The following FAM135A variants were observed in gnomAD, a reference collection of about 807,000 sequenced individuals.
FAM135A encodes the protein family with sequence similarity 135 member A, also known as protein FAM135A.
A neutral mutation model predicts 146.8 loss-of-function variants in FAM135A; 79 were observed. The observed-to-expected ratio is 0.54, with a 90% CI of 0.45 to 0.65. The LOEUF is 0.65. FAM135A is among the 30% of genes least tolerant of loss of function. The probability of loss-of-function intolerance (pLI) is 0.00; values close to 1 mark genes in which losing one functional copy is unlikely to be tolerated. For missense variants in FAM135A, 1,623 were observed against 1,758.2 expected (o/e 0.92, Z 1.38); for synonymous variants, 562 against 603.6 (o/e 0.93, Z 1.01).
At chr6:70,507,353 C>T (rs547394431) in intron 12 of FAM135A, among the ~76,000 whole-genome samples, 8 of 151,998 alleles carry the variant, frequency 5.3e-5, no homozygotes, top group Non-Finnish European at 1.0e-4. Context: ...CAGTGCTAAG[C>T]CTACAGGAAC....
chr6:70,531,071 C>T (rs1795715237), intron 16 of FAM135A, among the ~76,000 whole-genome samples: 1 of 152,206 alleles, frequency 6.6e-6, no homozygotes, highest in African/African-American at 2.4e-5. Flanking sequence ...TTGCCCTCTT[C>T]ATGAGAATAA....
intron 10 of FAM135A, among the ~76,000 whole-genome samples, chr6:70,488,422 G>C (rs1303252817): frequency 1.3e-5 from 2 of 151,810 alleles, no homozygotes; most frequent in East Asian, 3.9e-4. Flanking sequence ...AATATGGAAG[G>C]ATATGCTCTA....
chr6:70,420,785 A>T (rs1280115650), intron 2 of FAM135A, among the ~76,000 whole-genome samples: 2 of 152,204 alleles, frequency 1.3e-5, no homozygotes, highest in Non-Finnish European at 2.9e-5. Flanking sequence ...TAAATATTTT[A>T]AAAACATATT....
intron 3 of FAM135A, among the ~76,000 whole-genome samples, chr6:70,427,400 C>T (rs1317544184): frequency 2.6e-5 from 4 of 152,060 alleles, no homozygotes; most frequent in East Asian, 3.9e-4. Flanking sequence ...AGCATGACGG[C>T]GCATGCCTAT....
chr6:70,461,704 A>G (rs573842581), intron 5 of FAM135A, among the ~76,000 whole-genome samples: 2 of 152,316 alleles, frequency 1.3e-5, no homozygotes, highest in East Asian at 3.9e-4. Flanking sequence ...ATAATACCTC[A>G]TGGAAATCTA....
chr6:70,532,854 C>G (rs1796085357), intron 16 of FAM135A, among the ~76,000 whole-genome samples: 2 of 152,080 alleles, frequency 1.3e-5, no homozygotes, highest in Admixed American at 1.3e-4. Flanking sequence ...ATCGCTCGAA[C>G]CCAGGAGGCG....
In FAM135A at chr6:70,553,157, C is replaced by G. The variant is rs574117150; in HGVS notation, c.4229-3593C>G. ...ACCAGTGAACCAACCATGTTGCTCC[C>G]CCCAGCAGAGGAGACCAGCCTGGGG... On this transcript the variant is annotated intron_variant, in intron 20 of 21. Coordinates refer to ENST00000418814, the MANE Select transcript of FAM135A (RefSeq NM_001162529.3). 7.2e-5 allele frequency among the ~76,000 whole-genome samples: 11 copies of G among 152,206 alleles called. No individual in the cohort carries two copies. In the South Asian group the frequency reaches 2.3e-3, roughly 32 times the overall value.
intron 5 of FAM135A, among the ~76,000 whole-genome samples, chr6:70,473,756 T>C (rs989787619): frequency 3.8e-4 from 58 of 152,096 alleles, no homozygotes; most frequent in African/African-American, 1.4e-3. Flanking sequence ...GGAGTTCCTT[T>C]TCCTCACTTC....
At chr6:70,458,316 C>T (rs1778772623) in intron 5 of FAM135A, among the ~76,000 whole-genome samples, 1 of 152,124 alleles carries the variant, frequency 6.6e-6, no homozygotes, top group South Asian at 2.1e-4. Context: ...CCTGTCATGT[C>T]TGAAATGTGC....
chr6:70,482,036 T>A lies in FAM135A; in HGVS notation c.705T>A (p.His235Gln), dbSNP rs1278785683. 4 of 1,613,708 alleles carry A rather than the reference T, an allele frequency of 2.5e-6. No homozygotes were observed. Among genetic ancestry groups the A allele is most frequent in the Non-Finnish European group, 3.4e-6 (4 of 1,179,776 alleles). Residue 235 changes from histidine (H) to glutamine (Q), a missense_variant, in exon 10 of 22, where the codon CAT (histidine) becomes CAA (glutamine). Coordinates refer to ENST00000418814, the MANE Select transcript of FAM135A (RefSeq NM_001162529.3). ...CSFIIADSFL[H>Q]HAYRFHYTLC... is the part of the protein sequence containing the mutation. The stretch of plus-strand genomic sequence containing the variant: ...TCATCATTGCAGACTCCTTCCTACA[T>A]CATGCGTATCGTTTTCATTATACAC...
At position 70,428,312 on chromosome 6, in the gene FAM135A, A is replaced by G. The variant is rs1294036248; in HGVS notation, c.-31A>G. 3 of 1,499,722 alleles carry G rather than the reference A, an allele frequency of 2.0e-6. No homozygotes were observed. Among genetic ancestry groups the G allele is most frequent in the African/African-American group, 2.8e-5 (2 of 71,216 alleles). 92.9% of individuals were successfully genotyped at this position (1,499,722 alleles called of 1,614,324 possible). A position where few individuals can be genotyped will look rare whatever the true frequency, so the allele number is the denominator to read the frequency against. On this transcript the variant is annotated 5_prime_UTR_variant, in exon 4 of 22. Transcript: ENST00000418814. Reference sequence around the variant, plus strand: ...CCCTTTCCTTAACAAAGGTGCTGTTATCAGAATAGTCTTCTGGGTATAAAT... The same window carrying G: ...CCCTTTCCTTAACAAAGGTGCTGTTGTCAGAATAGTCTTCTGGGTATAAAT...
intron 5 of FAM135A, among the ~76,000 whole-genome samples, chr6:70,467,880 G>A (rs927649665): frequency 1.3e-4 from 19 of 151,664 alleles, no homozygotes; most frequent in East Asian, 9.7e-4. Flanking sequence ...AAAATTTTTC[G>A]TATGTTACTT....
intron 20 of FAM135A, 182 bp from the exon 21 acceptor site, chr6:70,556,568 G>A: frequency 2.0e-6 from 1 of 512,310 alleles, no homozygotes; most frequent in Non-Finnish European, 3.4e-6. Flanking sequence ...CTACATAACA[G>A]TGAGGTGGGT....
At chr6:70,473,430 T>C (rs1781994832) in intron 5 of FAM135A, among the ~76,000 whole-genome samples, 1 of 152,210 alleles carries the variant, frequency 6.6e-6, no homozygotes, top group East Asian at 1.9e-4. Context: ...CATGTCTTTA[T>C]CTAAATATCT....
intron 12 of FAM135A, among the ~76,000 whole-genome samples, chr6:70,516,681 C>G (rs1792332138): frequency 6.6e-6 from 1 of 151,654 alleles, no homozygotes; most frequent in Non-Finnish European, 1.5e-5. Flanking sequence ...ACTACAGGCA[C>G]TCGCCACCAT....
intron 20 of FAM135A, 72 bp from the exon 21 acceptor site, chr6:70,556,676 CTT>C: frequency 5.0e-6 from 5 of 991,476 alleles, no homozygotes; most frequent in Middle Eastern, 3.3e-4. Flanking sequence ...TTTTTGGTCA[CTT>C]AATATGATAC....
chr6:70,450,716 GTTTTTTTTTTTTTTTTTTTTTTTTTTT>G (rs546674936), intron 4 of FAM135A, among the ~76,000 whole-genome samples: 5 of 28,322 alleles, frequency 1.8e-4, no homozygotes, highest in Non-Finnish European at 2.3e-4. Flanking sequence ...CCTTTTAGTT[GTTTTTTTTTTTTTTTTTTTTTTTTTTT>G]TTTTTTTTTT....
intron 20 of FAM135A, among the ~76,000 whole-genome samples, chr6:70,542,276 A>ACACACACACACACACACACACACCCC (rs1242891663): frequency 2.7e-5 from 4 of 149,130 alleles, no homozygotes; most frequent in African/African-American, 9.9e-5. Context: ...ACACACACAC[A>ACACACACACACACACACACACACCCC]CCCTTTGCTG....
intron 5 of FAM135A, among the ~76,000 whole-genome samples, chr6:70,468,066 A>G (rs920212384): frequency 6.6e-6 from 1 of 152,130 alleles, no homozygotes; most frequent in Non-Finnish European, 1.5e-5. Flanking sequence ...TGTCTAAGGA[A>G]TCTTTGAAGT....
Sources: allele counts gnomAD v4.1 joint callset (sites outside exome capture counted in the v4.1 genomes callset), GRCh38; gene constraint gnomAD v4.1.1; transcripts MANE v1.5; gene names NCBI Gene and HGNC (gene_info 2026-07-23, HGNC 2026-07-21).